The following RTN1 variants were observed in gnomAD, a reference collection of about 807,000 sequenced individuals.
RTN1 encodes the protein reticulon 1.
In RTN1, 25 loss-of-function variants were observed where a neutral mutation model predicts 65.5. That is an observed-to-expected ratio of 0.38 (90% CI 0.28 to 0.53). The LOEUF (loss-of-function observed/expected upper bound fraction) is 0.53, where lower values mean the gene tolerates loss of function less well. RTN1 is among the 20% of genes least tolerant of loss of function. The pLI is 0.79. For synonymous variants in RTN1, 471 were observed against 447.6 expected, an observed-to-expected ratio of 1.05 and a Z score of -0.66; for missense variants, 983 against 1,025.4, an observed-to-expected ratio of 0.96 and a Z score of 0.57.
intron 3 of RTN1, among the ~76,000 whole-genome samples, chr14:59,675,148 G>A (rs1432547751): frequency 1.3e-5 from 2 of 152,132 alleles, no homozygotes; most frequent in Non-Finnish European, 2.9e-5. Context: ...ATGGTGCACA[G>A]AGGAGTGGTG....
chr14:59,644,732 C>A (rs1360406110), intron 3 of RTN1, among the ~76,000 whole-genome samples: 3 of 152,204 alleles, frequency 2.0e-5, no homozygotes, highest in Non-Finnish European at 4.4e-5. Context: ...TGAGATGGAG[C>A]TCCCAGAGGG....
intron 3 of RTN1, among the ~76,000 whole-genome samples, chr14:59,636,933 G>A (rs965185370): frequency 1.3e-5 from 2 of 152,150 alleles, no homozygotes. Flanking sequence ...GTCTTGCCTC[G>A]ATGTTGATAG....
intron 1 of RTN1, among the ~76,000 whole-genome samples, chr14:59,813,575 A>T (rs1835580852): frequency 6.6e-6 from 1 of 152,216 alleles, no homozygotes; most frequent in Non-Finnish European, 1.5e-5. Context: ...GCATAGAGCT[A>T]AACTAGCCTA....
intron 8 of RTN1, among the ~76,000 whole-genome samples, chr14:59,596,989 C>CA (rs1489519691): frequency 1.3e-5 from 2 of 151,898 alleles, no homozygotes; most frequent in African/African-American, 4.8e-5. Context: ...ATAACAGCAA[C>CA]AAAAAAGAGA....
chr14:59,670,057 G>A (rs1191569764), intron 3 of RTN1, among the ~76,000 whole-genome samples: 1 of 152,098 alleles, frequency 6.6e-6, no homozygotes, highest in Admixed American at 6.6e-5. Flanking sequence ...TAAATGAATG[G>A]GTTGCTATTG....
chr14:59,748,112 C>T (rs1885265877), intron 1 of RTN1, among the ~76,000 whole-genome samples: 1 of 151,460 alleles, frequency 6.6e-6, no homozygotes, highest in South Asian at 2.1e-4. Context: ...TAAGATCTTA[C>T]AGGCAGTAAG....
At chr14:59,610,360 T>G (rs1881909592) in intron 3 of RTN1, 2 of 555,252 alleles carry the variant, frequency 3.6e-6, no homozygotes, top group African/African-American at 3.8e-5. Flanking sequence ...GACTGTTATC[T>G]TAAAACAACA....
chr14:59,622,705 A>G (rs2140177827), intron 3 of RTN1, among the ~76,000 whole-genome samples: 1 of 152,376 alleles, frequency 6.6e-6, no homozygotes, highest in East Asian at 1.9e-4. Context: ...GAAAGAAAAC[A>G]GAAGTAGATG....
intron 1 of RTN1, among the ~76,000 whole-genome samples, chr14:59,837,312 T>C (rs148610411): frequency 4.6e-5 from 7 of 151,838 alleles, no homozygotes; most frequent in African/African-American, 1.7e-4. Context: ...AACTCAAAAT[T>C]GATTAAATGA....
At chr14:59,725,657 T>C (rs1238090063) in intron 3 of RTN1, among the ~76,000 whole-genome samples, 2 of 152,212 alleles carry the variant, frequency 1.3e-5, no homozygotes, top group Non-Finnish European at 2.9e-5. Context: ...GTCAATTATA[T>C]CAGCCCCCAC....
rs1226527843 is a variant in RTN1 at position 59,749,495 on chromosome 14, A to T, written c.242-3014T>A. ...TATCTATATATCTATATATATCTAT[A>T]TATATCTATATATAGATATCTATAT... On this transcript the variant is annotated intron_variant, in intron 1 of 8. Coordinates refer to ENST00000267484, the MANE Select transcript of RTN1 (RefSeq NM_021136.3). Among the ~76,000 whole-genome samples, 17 of 74,070 alleles carry T rather than the reference A, an allele frequency of 2.3e-4. No individual in the cohort carries two copies. The South Asian group carries it at 4.7e-3, about 21-fold the overall frequency. The allele number at this position is 74,070 out of a possible 152,430, so 48.6% of individuals were successfully genotyped here.
At chr14:59,611,401 TG>T (rs142468498) in intron 3 of RTN1, among the ~76,000 whole-genome samples, 1 of 152,192 alleles carries the variant, frequency 6.6e-6, no homozygotes, top group African/African-American at 2.4e-5. Context: ...GAAATAGTCC[TG>T]GGGAGATGTC....
At chr14:59,678,384 A>T (rs1594673463) in intron 3 of RTN1, among the ~76,000 whole-genome samples, 1 of 152,356 alleles carries the variant, frequency 6.6e-6, no homozygotes, top group East Asian at 1.9e-4. Flanking sequence ...TACAGGCTGG[A>T]AGTGGTCTCT....
chr14:59,714,474 C>T (rs1372798959), intron 3 of RTN1, among the ~76,000 whole-genome samples: 5 of 152,108 alleles, frequency 3.3e-5, no homozygotes, highest in Admixed American at 2.0e-4. Context: ...TAGCTTTCCA[C>T]CAGGTAGTCA....
At chr14:59,719,761 G>T (rs1486968173) in intron 3 of RTN1, among the ~76,000 whole-genome samples, 1 of 152,190 alleles carries the variant, frequency 6.6e-6, no homozygotes, top group African/African-American at 2.4e-5. Context: ...TTTGAGACTA[G>T]AGAATCTCCT....
chr14:59,799,979 C>T (rs1566731224), intron 1 of RTN1, among the ~76,000 whole-genome samples: 1 of 152,164 alleles, frequency 6.6e-6, no homozygotes, highest in Non-Finnish European at 1.5e-5. Context: ...GAATTCCTAT[C>T]TCCACCCCCA....
chr14:59,869,254 A>G (rs1887847592), intron 1 of RTN1, among the ~76,000 whole-genome samples: 2 of 151,918 alleles, frequency 1.3e-5, no homozygotes, highest in Non-Finnish European at 2.9e-5. Context: ...TCTTTAAATC[A>G]ACCACCAAGA....
At chr14:59,719,487 T>C (rs1208259968) in intron 3 of RTN1, among the ~76,000 whole-genome samples, 2 of 152,326 alleles carry the variant, frequency 1.3e-5, no homozygotes, top group East Asian at 3.9e-4. Flanking sequence ...TCCACCAGAA[T>C]GTAAGCCCCA....
At chr14:59,759,088 T>A (rs1885697346) in intron 1 of RTN1, among the ~76,000 whole-genome samples, 1 of 152,180 alleles carries the variant, frequency 6.6e-6, no homozygotes, top group South Asian at 2.1e-4. Flanking sequence ...TGGCACATCA[T>A]ATATCCTGAT....
Sources: allele counts gnomAD v4.1 joint callset (sites outside exome capture counted in the v4.1 genomes callset), GRCh38; gene constraint gnomAD v4.1.1; transcripts MANE v1.5; gene names NCBI Gene and HGNC (gene_info 2026-07-23, HGNC 2026-07-21).